Variants in ARHGAP15 observed in about 807,000 individuals in gnomAD.
ARHGAP15 encodes the protein rho GTPase-activating protein 15.
In ARHGAP15, 51 loss-of-function variants were observed where a neutral mutation model predicts 63.7. The observed-to-expected ratio is 0.80, with a 90% confidence interval of 0.64 to 1.01. The LOEUF is 1.01. Ranked by LOEUF, ARHGAP15 falls within the 50% of genes least tolerant of loss-of-function variation. The pLI is 0.00. For missense variants in ARHGAP15, 560 were observed against 564.6 expected (o/e 0.99, Z 0.08); for synonymous variants, 191 against 193.8 (o/e 0.99, Z 0.12).
At chr2:143,588,643 C>G (rs1559067021) in intron 11 of ARHGAP15, among the ~76,000 whole-genome samples, 2 of 152,154 alleles carry the variant, frequency 1.3e-5, no homozygotes, top group Non-Finnish European at 2.9e-5. Flanking sequence ...TCATCCATGT[C>G]CCTGCAAAGA....
intron 11 of ARHGAP15, among the ~76,000 whole-genome samples, chr2:143,620,822 A>G (rs1574719270): frequency 6.6e-6 from 1 of 152,236 alleles, no homozygotes. Context: ...GTAAGCTCTA[A>G]GTAATTGTTG....
At chr2:143,242,050 C>T (rs898897185) in intron 5 of ARHGAP15, among the ~76,000 whole-genome samples, 50 of 152,196 alleles carry the variant, frequency 3.3e-4, no homozygotes, top group Admixed American at 4.6e-4. Context: ...CCATTTCCTG[C>T]ACTTTTGATT....
At chr2:143,214,110 G>A (rs16858876) in intron 3 of ARHGAP15, among the ~76,000 whole-genome samples, 26,341 of 152,036 alleles carry the variant, frequency 0.17, 2,488 homozygotes, top group Middle Eastern at 0.25. Context: ...TTTGTGGGTA[G>A]CAAATGTCTA....
At chr2:143,673,541 A>G (rs1574819653) in intron 12 of ARHGAP15, among the ~76,000 whole-genome samples, 1 of 151,106 alleles carries the variant, frequency 6.6e-6, no homozygotes, top group Non-Finnish European at 1.5e-5. Context: ...CCAGTGATAT[A>G]CCTGCCTTGG....
intron 6 of ARHGAP15, among the ~76,000 whole-genome samples, chr2:143,414,633 C>A (rs1384701990): frequency 6.6e-6 from 1 of 152,172 alleles, no homozygotes; most frequent in Middle Eastern, 3.4e-3. Context: ...AGGTCTTACA[C>A]GTAGAAATAT....
At chr2:143,421,175 A>G (rs187522617) in intron 6 of ARHGAP15, among the ~76,000 whole-genome samples, 12 of 152,246 alleles carry the variant, frequency 7.9e-5, no homozygotes, top group African/African-American at 2.6e-4. Flanking sequence ...GCTTTAAGGT[A>G]TATTTAGAAA....
At chr2:143,377,532 T>A (rs1686871112) in intron 6 of ARHGAP15, among the ~76,000 whole-genome samples, 1 of 152,002 alleles carries the variant, frequency 6.6e-6, no homozygotes, top group Non-Finnish European at 1.5e-5. Flanking sequence ...TTTTATAAAT[T>A]GGGATCTGAA....
chr2:143,156,034 G>A (rs79821932), intron 2 of ARHGAP15, among the ~76,000 whole-genome samples: 6 of 146,048 alleles, frequency 4.1e-5, no homozygotes, highest in South Asian at 2.1e-4. Context: ...AATGAATTGA[G>A]AAAAAAAAAA....
In ARHGAP15 at chr2:143,291,385, T is replaced by TCTCC. The variant is rs200697303; in HGVS notation, c.474+40802_474+40805dup. Among the ~76,000 whole-genome samples the TCTCC allele has an allele frequency of 1.1e-3, 164 of 151,916 alleles. 1 individual carries two copies. Among genetic ancestry groups the TCTCC allele is most frequent in the African/African-American group, 3.5e-3 (144 of 41,452 alleles). On this transcript the variant is annotated intron_variant, in intron 6 of 13. Coordinates refer to ENST00000295095, the MANE Select transcript of ARHGAP15 (RefSeq NM_018460.4). ...GACATGTACATGCAAACACAGTTTC[T>TCTCC]CTCCCTCCCTCCCTCCCTCCTCACT...
At chr2:143,550,986 A>G (rs970007730) in intron 10 of ARHGAP15, among the ~76,000 whole-genome samples, 1 of 152,214 alleles carries the variant, frequency 6.6e-6, no homozygotes, top group East Asian at 1.9e-4. Flanking sequence ...AGATATAGAA[A>G]TAGGCAAATT....
intron 11 of ARHGAP15, among the ~76,000 whole-genome samples, chr2:143,611,743 G>A (rs1235352747): frequency 6.6e-6 from 1 of 152,020 alleles, no homozygotes; most frequent in Non-Finnish European, 1.5e-5. Flanking sequence ...ATTCTCCCAG[G>A]CATCTTTTTA....
intron 8 of ARHGAP15, among the ~76,000 whole-genome samples, chr2:143,450,086 A>T (rs1690339151): frequency 1.4e-5 from 2 of 140,672 alleles, no homozygotes; most frequent in Admixed American, 7.2e-5. Flanking sequence ...TTTGTTATTG[A>T]GGTTTCATAA....
chr2:143,465,304 C>G (rs1691146511), intron 8 of ARHGAP15, among the ~76,000 whole-genome samples: 1 of 152,312 alleles, frequency 6.6e-6, no homozygotes, highest in African/African-American at 2.4e-5. Context: ...AAACGAATTT[C>G]TGTGGCTGGC....
At chr2:143,543,203 C>T (rs116827083) in intron 10 of ARHGAP15, among the ~76,000 whole-genome samples, 2,162 of 152,088 alleles carry the variant, frequency 0.014, 52 homozygotes, top group African/African-American at 0.05. Context: ...CTTGCCAACA[C>T]TTGTTATCTT....
At position 143,548,123 on chromosome 2, in the gene ARHGAP15, A is replaced by G. The variant is rs144156972; in HGVS notation, c.926-8285A>G. The stretch of plus-strand genomic sequence containing the variant: ...ATAAGACGAGGTTTGTTAAGAGCTC[A>G]GGACTGGGCAGAAGAGCAAATAGGA... On this transcript the variant is annotated intron_variant, in intron 10 of 13. Coordinates refer to ENST00000295095, the MANE Select transcript of ARHGAP15 (RefSeq NM_018460.4). Among the ~76,000 whole-genome samples, 843 of 152,278 alleles carry G rather than the reference A, an allele frequency of 5.5e-3. 9 individuals carry two copies. Among genetic ancestry groups the G allele is most frequent in the African/African-American group, 0.019 (805 of 41,568 alleles).
intron 1 of ARHGAP15, among the ~76,000 whole-genome samples, chr2:143,154,973 A>T (rs1437387512): frequency 6.6e-6 from 1 of 151,730 alleles, no homozygotes; most frequent in Non-Finnish European, 1.5e-5. Flanking sequence ...GAGTATTGTG[A>T]GTGGGGGTAG....
At chr2:143,767,185 C>G (rs1333848303) in intron 13 of ARHGAP15, among the ~76,000 whole-genome samples, 1 of 152,170 alleles carries the variant, frequency 6.6e-6, no homozygotes, top group Non-Finnish European at 1.5e-5. Flanking sequence ...TAGGCTTCAG[C>G]TGTCAGAATA....
chr2:143,526,212 A>G (rs1309211249), intron 10 of ARHGAP15, among the ~76,000 whole-genome samples: 1 of 152,180 alleles, frequency 6.6e-6, no homozygotes, highest in African/African-American at 2.4e-5. Context: ...AAGCTTAAAC[A>G]TAACAGAAGT....
intron 6 of ARHGAP15, among the ~76,000 whole-genome samples, chr2:143,330,284 A>T (rs1163186834): frequency 1.3e-5 from 2 of 151,844 alleles, no homozygotes; most frequent in Non-Finnish European, 1.5e-5. Context: ...ATATGGTGTA[A>T]TGTTAATATT....
Sources: allele counts gnomAD v4.1 joint callset (sites outside exome capture counted in the v4.1 genomes callset), GRCh38; gene constraint gnomAD v4.1.1; transcripts MANE v1.5; gene names NCBI Gene and HGNC (gene_info 2026-07-23, HGNC 2026-07-21).